Variants in PLXDC2 observed in about 807,000 individuals in gnomAD.
The protein encoded by PLXDC2 is plexin domain containing 2, also known as plexin domain-containing protein 2.
Under a neutral mutation model 68.9 loss-of-function variants are expected in PLXDC2, and 40 were observed. That is an observed-to-expected ratio of 0.58 (90% confidence interval 0.45 to 0.76). The LOEUF (loss-of-function observed/expected upper bound fraction) is 0.76, where lower values mean the gene tolerates loss of function less well. PLXDC2 is among the 30% of genes least tolerant of loss of function. PLXDC2 has a pLI of 0.00. For missense variants in PLXDC2, 644 were observed against 661.9 expected, an observed-to-expected ratio of 0.97 and a Z score of 0.30; for synonymous variants, 243 against 234.2, an observed-to-expected ratio of 1.04 and a Z score of -0.34.
intron 3 of PLXDC2, among the ~76,000 whole-genome samples, chr10:20,062,378 C>T (rs890983096): frequency 5.3e-5 from 8 of 151,998 alleles, no homozygotes; most frequent in Admixed American, 1.3e-4. Context: ...GAGCCAAGAT[C>T]GCACCATTGC....
At chr10:20,187,839 G>A (rs1321265991) in intron 9 of PLXDC2, among the ~76,000 whole-genome samples, 1 of 151,760 alleles carries the variant, frequency 6.6e-6, no homozygotes, top group Non-Finnish European at 1.5e-5. Flanking sequence ...TGGGTTGAGT[G>A]TAAACATGTA....
intron 4 of PLXDC2, among the ~76,000 whole-genome samples, chr10:20,113,172 C>A (rs527951178): frequency 6.6e-6 from 1 of 152,170 alleles, no homozygotes; most frequent in Non-Finnish European, 1.5e-5. Flanking sequence ...AAGACAACTG[C>A]CTCAACAGGT....
At chr10:19,837,507 T>C (rs1836822495) in intron 1 of PLXDC2, among the ~76,000 whole-genome samples, 1 of 151,494 alleles carries the variant, frequency 6.6e-6, no homozygotes, top group Non-Finnish European at 1.5e-5. Flanking sequence ...TAAAAGATGA[T>C]AAATGGGTGG....
At chr10:20,164,650 G>C in intron 7 of PLXDC2, 83 bp downstream of exon 7, 1 of 1,009,984 alleles carries the variant, frequency 9.9e-7, no homozygotes, top group East Asian at 2.5e-5. Context: ...AGCTGTACCT[G>C]AATTAAAAAA....
At chr10:20,079,156 C>T (rs1836505804) in intron 4 of PLXDC2, among the ~76,000 whole-genome samples, 1 of 151,934 alleles carries the variant, frequency 6.6e-6, no homozygotes, top group South Asian at 2.1e-4. Context: ...AACAAATTTA[C>T]AAGAATAAAT....
chr10:20,106,933 G>C (rs1376271617), intron 4 of PLXDC2, among the ~76,000 whole-genome samples: 2 of 151,030 alleles, frequency 1.3e-5, no homozygotes, highest in Non-Finnish European at 3.0e-5. Flanking sequence ...AACAGTAAAA[G>C]CTAAAATGAT....
intron 13 of PLXDC2, among the ~76,000 whole-genome samples, chr10:20,270,556 T>C (rs1835924962): frequency 6.6e-6 from 1 of 152,158 alleles, no homozygotes; most frequent in Non-Finnish European, 1.5e-5. Flanking sequence ...CTTTTCTTTT[T>C]TTTTTGAGAC....
At chr10:20,165,579 T>G (rs1834363949) in intron 7 of PLXDC2, among the ~76,000 whole-genome samples, 4 of 152,204 alleles carry the variant, frequency 2.6e-5, no homozygotes, top group Admixed American at 2.6e-4. Flanking sequence ...ATTTCCAATT[T>G]CATCCATGTC....
At chr10:20,105,582 G>T (rs1833481240) in intron 4 of PLXDC2, among the ~76,000 whole-genome samples, 1 of 152,226 alleles carries the variant, frequency 6.6e-6, no homozygotes, top group African/African-American at 2.4e-5. Flanking sequence ...GGAAAAGCCA[G>T]TCTGCTGATA....
At chr10:20,278,764 GT>G (rs1306841176) in intron 13 of PLXDC2, among the ~76,000 whole-genome samples, 1 of 152,072 alleles carries the variant, frequency 6.6e-6, no homozygotes, top group African/African-American at 2.4e-5. Context: ...CATATAACCT[GT>G]TTTACATTAG....
chr10:20,213,938 C>A (rs1385645564), intron 10 of PLXDC2, among the ~76,000 whole-genome samples: 2 of 152,036 alleles, frequency 1.3e-5, no homozygotes, highest in Non-Finnish European at 2.9e-5. Flanking sequence ...TATATGTAAT[C>A]TCTTTCCTTA....
At chr10:20,234,972 G>A (rs148869183) in intron 12 of PLXDC2, among the ~76,000 whole-genome samples, 3 of 152,228 alleles carry the variant, frequency 2.0e-5, no homozygotes, top group African/African-American at 2.4e-5. Context: ...GATTGATTTC[G>A]TATTCTGCAG....
chr10:20,224,315 T>C (rs949889979), intron 12 of PLXDC2, among the ~76,000 whole-genome samples: 4 of 152,176 alleles, frequency 2.6e-5, no homozygotes, highest in African/African-American at 9.6e-5. Context: ...AATGGTTATA[T>C]GCATTTACAA....
chr10:20,094,736 G>A (rs904173408), intron 4 of PLXDC2, among the ~76,000 whole-genome samples: 1 of 152,098 alleles, frequency 6.6e-6, no homozygotes, highest in Non-Finnish European at 1.5e-5. Flanking sequence ...TCTAAGAAAG[G>A]GGTATTGTTG....
intron 1 of PLXDC2, among the ~76,000 whole-genome samples, chr10:19,985,496 T>G (rs1834620505): frequency 6.6e-6 from 1 of 152,208 alleles, no homozygotes; most frequent in South Asian, 2.1e-4. Context: ...ACTCAGGTAT[T>G]TCATATGTCT....
At chr10:19,880,872 G>A (rs1837714135) in intron 1 of PLXDC2, among the ~76,000 whole-genome samples, 1 of 152,094 alleles carries the variant, frequency 6.6e-6, no homozygotes, top group African/African-American at 2.4e-5. Context: ...AAATAACTTT[G>A]CATGTTTTTA....
intron 1 of PLXDC2, among the ~76,000 whole-genome samples, chr10:19,918,737 A>G (rs1274567884): frequency 2.6e-5 from 4 of 152,230 alleles, no homozygotes; most frequent in African/African-American, 7.2e-5. Flanking sequence ...CTTGACGAAC[A>G]TAAGTAGCTT....
intron 4 of PLXDC2, among the ~76,000 whole-genome samples, chr10:20,129,706 G>T (rs182219810): frequency 2.6e-5 from 4 of 152,072 alleles, no homozygotes; most frequent in Non-Finnish European, 4.4e-5. Context: ...GTGAAATAAT[G>T]CTCCAATTTT....
At chr10:20,004,055 A>C (rs1165044615) in intron 2 of PLXDC2, among the ~76,000 whole-genome samples, 2 of 152,318 alleles carry the variant, frequency 1.3e-5, no homozygotes, top group South Asian at 4.1e-4. Context: ...TTACTGCACC[A>C]CAATCCCTGA....
Sources: gnomAD v4.1 joint callset for allele counts (sites outside exome capture counted in the v4.1 genomes callset) on GRCh38, gnomAD v4.1.1 for gene constraint, MANE v1.5 for transcripts, NCBI Gene and HGNC (gene_info 2026-07-23, HGNC 2026-07-21) for gene names.